The following PSG5 variants were observed in gnomAD, a reference collection of about 807,000 sequenced individuals.
PSG5 encodes the protein pregnancy specific beta-1-glycoprotein 5.
Under a neutral mutation model 37.7 loss-of-function variants are expected in PSG5, and 53 were observed. The observed-to-expected ratio is 1.41, with a 90% CI of 1.13 to 1.77. The LOEUF is 1.77. Among genes scored for constraint, PSG5 ranks in the 40% most tolerant of loss-of-function variants. The pLI is 0.00. For synonymous variants in PSG5, 221 were observed against 155.4 expected (o/e 1.42, Z -3.14); for missense variants, 547 against 405.2 (o/e 1.35, Z -3.00).
Position 43,168,160 on chromosome 19 carries a change from TG to T in PSG5, c.*83del, listed in dbSNP as rs1408522299. 9.3e-6 allele frequency: 4 copies of T among 429,042 alleles called. No individual in the cohort carries two copies. The highest frequency in any genetic ancestry group is 4.1e-5 in the African/African-American group (2 of 48,398). The allele number at this position is 429,042 out of a possible 1,614,324, so 26.6% of individuals were successfully genotyped here. ...CCTTGAAGAAAAAGCAATTTTGGAC[TG>T]TAGGTGATTGTAAGTAGTTTGAGGA... On this transcript the variant is annotated 3_prime_UTR_variant, in exon 6 of 6. Coordinates refer to ENST00000342951, the MANE Select transcript of PSG5 (RefSeq NM_002781.4).
intron 1 of PSG5, 51 bp from the exon 2 acceptor site, chr19:43,185,198 G>C: frequency 6.5e-7 from 1 of 1,532,602 alleles, no homozygotes; most frequent in Admixed American, 2.0e-5. Context: ...GTATTGGGGT[G>C]AAAAGATGGA....
intron 4 of PSG5, chr19:43,174,314 AC>A: frequency 2.2e-6 from 1 of 453,678 alleles, no homozygotes; most frequent in Non-Finnish European, 2.9e-6. Context: ...ACTAAATTGC[AC>A]ACATAGAAAT....
chr19:43,180,047 G>T (rs141971199), intron 2 of PSG5, among the ~76,000 whole-genome samples: 2 of 151,640 alleles, frequency 1.3e-5, no homozygotes, highest in Non-Finnish European at 2.9e-5. Context: ...TGTGTTTGGT[G>T]GATATTAGAC....
intron 2 of PSG5, among the ~76,000 whole-genome samples, chr19:43,177,188 G>C (rs1969029613): frequency 6.6e-6 from 1 of 151,582 alleles, no homozygotes; most frequent in African/African-American, 2.4e-5. Context: ...TGTTTGCCAG[G>C]AGCTGGGAGT....
rs187482852 is a variant in PSG5 at position 43,183,648 on chromosome 19, G to A, written c.430+1134C>T. 1.5e-3 allele frequency among the ~76,000 whole-genome samples: 223 copies of A among 151,478 alleles called. 5 individuals carry two copies. Among genetic ancestry groups the A allele is most frequent in the Non-Finnish European group, 2.4e-3 (165 of 67,852 alleles). On this transcript the variant is annotated intron_variant, in intron 2 of 5. Coordinates refer to ENST00000342951, the MANE Select transcript of PSG5 (RefSeq NM_002781.4). ...GAGGCAGTTGATTTAGTTCTGGAGT[G>A]CAGACTAATCAGCTGACCATTTGCT...
chr19:43,175,169 G>C (rs1045477247), intron 4 of PSG5, 46 bp downstream of exon 4: 9 of 1,611,838 alleles, frequency 5.6e-6, no homozygotes, highest in Admixed American at 1.7e-5. Flanking sequence ...AAGCCAGGTA[G>C]ACTCCACCTA....
At chr19:43,182,566 C>A (rs1051694925) in intron 2 of PSG5, among the ~76,000 whole-genome samples, 1 of 151,152 alleles carries the variant, frequency 6.6e-6, no homozygotes, top group South Asian at 2.1e-4. Flanking sequence ...TAGTCCTGTG[C>A]CCCTGAAACT....
intron 2 of PSG5, among the ~76,000 whole-genome samples, chr19:43,179,972 C>A (rs1257278436): frequency 6.6e-6 from 1 of 151,792 alleles, no homozygotes; most frequent in Non-Finnish European, 1.5e-5. Context: ...TTTGCAAATG[C>A]AGCACTGACT....
At chr19:43,171,724 T>G (rs1013295294) in intron 4 of PSG5, among the ~76,000 whole-genome samples, 10 of 151,292 alleles carry the variant, frequency 6.6e-5, no homozygotes, top group African/African-American at 2.4e-4. Flanking sequence ...ATCCTAGCAC[T>G]TTGGGAGGTC....
chr19:43,179,514 A>T (rs1427629696), intron 2 of PSG5, among the ~76,000 whole-genome samples: 1 of 151,620 alleles, frequency 6.6e-6, no homozygotes, highest in Non-Finnish European at 1.5e-5. Flanking sequence ...GCAGTGCTGG[A>T]ATCTTCTTAG....
intron 2 of PSG5, among the ~76,000 whole-genome samples, chr19:43,176,879 T>G (rs4028453): frequency 0.68 from 102,282 of 149,768 alleles, 36,323 homozygotes; most frequent in East Asian, 0.98. Context: ...ATGTTCCCTG[T>G]CCTGGGTTCT....
chr19:43,171,570 A>G, intron 4 of PSG5: 1 of 424,864 alleles, frequency 2.4e-6, no homozygotes, highest in Non-Finnish European at 4.0e-6. Flanking sequence ...AGAGGAAATT[A>G]ATGAAACCAA....
intron 4 of PSG5, 195 bp from the exon 5 acceptor site, chr19:43,170,333 G>A (rs79783895): frequency 4.5e-6 from 3 of 667,998 alleles, no homozygotes; most frequent in Middle Eastern, 5.4e-4. Context: ...TTCTAGGATG[G>A]TGATCAGTCC....
chr19:43,177,955 C>T (rs1428686482), intron 2 of PSG5, among the ~76,000 whole-genome samples: 1 of 151,394 alleles, frequency 6.6e-6, no homozygotes, highest in Non-Finnish European at 1.5e-5. Context: ...AAACTTATTC[C>T]AAAATATTTT....
chr19:43,181,016 C>T (rs1969116300), intron 2 of PSG5, among the ~76,000 whole-genome samples: 2 of 151,704 alleles, frequency 1.3e-5, no homozygotes, highest in South Asian at 2.1e-4. Flanking sequence ...GCTCACGAAA[C>T]ACCACTAAAG....
At chr19:43,179,328 A>G (rs1002209625) in intron 2 of PSG5, among the ~76,000 whole-genome samples, 7 of 151,332 alleles carry the variant, frequency 4.6e-5, no homozygotes, top group Non-Finnish European at 8.8e-5. Context: ...GAGCTCAGAG[A>G]TTGTGAGGCT....
intron 2 of PSG5, among the ~76,000 whole-genome samples, chr19:43,184,240 T>G (rs1294376711): frequency 6.6e-6 from 1 of 151,752 alleles, no homozygotes; most frequent in African/African-American, 2.4e-5. Context: ...CTCTGAGGGC[T>G]GAGCCCTGGC....
At chr19:43,175,004 A>G in intron 4 of PSG5, 1 of 1,443,428 alleles carries the variant, frequency 6.9e-7, no homozygotes, top group Non-Finnish European at 9.2e-7. Context: ...TAACTTTCTT[A>G]GGCCAGACAC....
chr19:43,180,045 G>C (rs528543776), intron 2 of PSG5, among the ~76,000 whole-genome samples: 2 of 151,834 alleles, frequency 1.3e-5, no homozygotes, highest in African/African-American at 4.8e-5. Context: ...TATGTGTTTG[G>C]TGGATATTAG....
Sources: allele counts gnomAD v4.1 joint callset (sites outside exome capture counted in the v4.1 genomes callset), GRCh38; gene constraint gnomAD v4.1.1; transcripts MANE v1.5; gene names NCBI Gene and HGNC (gene_info 2026-07-23, HGNC 2026-07-21).